Variants in RNLS observed in about 807,000 individuals in gnomAD.
RNLS encodes renalase, FAD dependent amine oxidase, also known as renalase.
Under a neutral mutation model 39.8 loss-of-function variants are expected in RNLS, and 39 were observed. That is an observed-to-expected ratio of 0.98 (90% CI 0.76 to 1.28). RNLS has a LOEUF of 1.28. Ranked by LOEUF, RNLS falls within the 50% of genes most tolerant of loss-of-function variation. The pLI is 0.00. For synonymous variants in RNLS, 147 were observed against 150.7 expected (o/e 0.98, Z 0.18); for missense variants, 410 against 413.3 (o/e 0.99, Z 0.07).
the RNLS span, among the ~76,000 whole-genome samples, chr10:88,213,596 C>A: frequency 6.6e-6 from 1 of 152,014 alleles, no homozygotes; most frequent in African/African-American, 2.4e-5. Flanking sequence ...CCTGTTCCTG[C>A]CAGAGCCGCC....
chr10:88,317,809 A>G (rs1845875416), intron 5 of RNLS, among the ~76,000 whole-genome samples: 1 of 152,094 alleles, frequency 6.6e-6, no homozygotes, highest in South Asian at 2.1e-4. Context: ...CCAGGGGAAA[A>G]AGCTGAGATG....
intron 4 of RNLS, among the ~76,000 whole-genome samples, chr10:88,424,455 G>A (rs778577697): frequency 1.8e-4 from 28 of 152,152 alleles, no homozygotes; most frequent in Non-Finnish European, 3.5e-4. Context: ...AAAATGCATG[G>A]ACTATGCATC....
chr10:88,560,426 TCCCACTACCCTGAGC>T (rs1231089146), intron 4 of RNLS, among the ~76,000 whole-genome samples: 9 of 151,976 alleles, frequency 5.9e-5, no homozygotes, highest in Admixed American at 3.3e-4. Context: ...TCAAAACTGG[TCCCACTACCCTGAGC>T]CCCACTACCC....
At chr10:88,290,044 C>A (rs1426616) in intron 6 of RNLS, among the ~76,000 whole-genome samples, 84,900 of 151,858 alleles carry the variant, frequency 0.56, 24,650 homozygotes, top group Non-Finnish European at 0.63. Flanking sequence ...AAAGTTCACA[C>A]AAAAAAGTGC....
chr10:88,249,049 T>C, the RNLS span, among the ~76,000 whole-genome samples: 1 of 152,248 alleles, frequency 6.6e-6, no homozygotes, highest in Non-Finnish European at 1.5e-5. Flanking sequence ...TCGTCTGCTC[T>C]GTATTGCAAG....
intron 4 of RNLS, among the ~76,000 whole-genome samples, chr10:88,535,389 GGAA>G (rs1380001096): frequency 2.0e-5 from 3 of 151,766 alleles, no homozygotes; most frequent in East Asian, 3.9e-4. Flanking sequence ...AACGGGAGAG[GGAA>G]GAAGGACTTA....
At chr10:88,291,177 T>C (rs994467122) in intron 6 of RNLS, among the ~76,000 whole-genome samples, 6 of 152,180 alleles carry the variant, frequency 3.9e-5, no homozygotes, top group Non-Finnish European at 8.8e-5. Flanking sequence ...TCTCAATGCA[T>C]GACAAGTCAA....
Position 88,364,016 on chromosome 10 carries a change from A to G in RNLS, c.527-1291T>C, listed in dbSNP as rs546635724. Among the ~76,000 whole-genome samples the G allele has an allele frequency of 8.5e-5, 13 of 152,286 alleles. No individual in the cohort carries two copies. In the East Asian group the frequency reaches 2.5e-3, roughly 29 times the overall value. Reference sequence around the variant, plus strand: ...GAAAAAATACTTAGGAAAATGGGACAGTGTTCCATCTTGAGGTGGGGAAAG... The same window carrying G: ...GAAAAAATACTTAGGAAAATGGGACGGTGTTCCATCTTGAGGTGGGGAAAG... On this transcript the variant is annotated intron_variant, in intron 4 of 6. Coordinates refer to ENST00000331772, the MANE Select transcript of RNLS (RefSeq NM_001031709.3).
At chr10:88,350,748 G>A (rs1170819291) in intron 5 of RNLS, among the ~76,000 whole-genome samples, 1 of 152,178 alleles carries the variant, frequency 6.6e-6, no homozygotes, top group Non-Finnish European at 1.5e-5. Context: ...TATACACCCA[G>A]TAATGGGTTG....
chr10:88,275,879 A>G (rs1589444246), intron 6 of RNLS, among the ~76,000 whole-genome samples: 1 of 151,880 alleles, frequency 6.6e-6, no homozygotes, highest in African/African-American at 2.4e-5. Context: ...ACATAGTAAT[A>G]CCTCATTAGA....
At chr10:88,500,015 T>C (rs1388842888) in intron 4 of RNLS, among the ~76,000 whole-genome samples, 2 of 152,176 alleles carry the variant, frequency 1.3e-5, no homozygotes, top group African/African-American at 2.4e-5. Flanking sequence ...ATTCTAAGAA[T>C]GTATGATTGT....
the RNLS span, among the ~76,000 whole-genome samples, chr10:88,237,133 T>C: frequency 6.6e-6 from 1 of 151,990 alleles, no homozygotes; most frequent in Non-Finnish European, 1.5e-5. Context: ...TTTTTTTTTC[T>C]TTTAAATTTC....
chr10:88,537,031 G>A (rs1195891072), intron 4 of RNLS, among the ~76,000 whole-genome samples: 1 of 152,124 alleles, frequency 6.6e-6, no homozygotes, highest in Non-Finnish European at 1.5e-5. Flanking sequence ...AAGCAACCTG[G>A]ATTATTAAGT....
At chr10:88,503,609 G>A (rs1298242390) in intron 4 of RNLS, among the ~76,000 whole-genome samples, 1 of 152,166 alleles carries the variant, frequency 6.6e-6, no homozygotes, top group Admixed American at 6.6e-5. Flanking sequence ...TGGTTGTTAG[G>A]ACTCCAATGA....
intron 5 of RNLS, among the ~76,000 whole-genome samples, chr10:88,327,367 TC>T (rs1846697548): frequency 6.6e-6 from 1 of 152,158 alleles, no homozygotes; most frequent in Non-Finnish European, 1.5e-5. Flanking sequence ...GGGGGTGGTT[TC>T]CCCTACACTG....
intron 4 of RNLS, among the ~76,000 whole-genome samples, chr10:88,454,939 C>T (rs1842545878): frequency 6.6e-6 from 1 of 152,142 alleles, no homozygotes; most frequent in African/African-American, 2.4e-5. Flanking sequence ...TTCAATTCAA[C>T]AGCTATTTAT....
intron 4 of RNLS, among the ~76,000 whole-genome samples, chr10:88,434,005 C>A (rs894209847): frequency 6.6e-6 from 1 of 152,112 alleles, no homozygotes; most frequent in Non-Finnish European, 1.5e-5. Context: ...CCTGGTCTAC[C>A]AGACTCCCCA....
At chr10:88,217,102 A>T in the RNLS span, among the ~76,000 whole-genome samples, 1 of 152,204 alleles carries the variant, frequency 6.6e-6, no homozygotes, top group African/African-American at 2.4e-5. Flanking sequence ...TCAAACATCC[A>T]TTTGGGGTGG....
At chr10:88,421,916 G>A (rs887996928) in intron 4 of RNLS, among the ~76,000 whole-genome samples, 1 of 151,908 alleles carries the variant, frequency 6.6e-6, no homozygotes, top group East Asian at 1.9e-4. Context: ...CCCACACATC[G>A]CTTTCCTCTT....
Sources: gnomAD v4.1 joint callset for allele counts (sites outside exome capture counted in the v4.1 genomes callset) on GRCh38, gnomAD v4.1.1 for gene constraint, MANE v1.5 for transcripts, NCBI Gene and HGNC (gene_info 2026-07-23, HGNC 2026-07-21) for gene names.